The following TCAF2 variants were observed in gnomAD, a reference collection of about 807,000 sequenced individuals.
TCAF2 encodes the protein TRPM8 channel-associated factor 2.
A neutral mutation model predicts 33.9 loss-of-function variants in TCAF2; 6 were observed. The ratio of observed to expected loss-of-function variants is 0.18; its 90% CI spans 0.10 to 0.35. TCAF2 has a LOEUF of 0.35. TCAF2 is among the 10% of genes least tolerant of loss of function. TCAF2 has a pLI of 1.00. For synonymous variants in TCAF2, 41 were observed against 247.8 expected, an observed-to-expected ratio of 0.17 and a Z score of 7.84; for missense variants, 109 against 604.0, an observed-to-expected ratio of 0.18 and a Z score of 8.59.
At chr7:143,725,450 A>C (rs1809656876) in intron 7 of TCAF2, among the ~76,000 whole-genome samples, 1 of 151,718 alleles carries the variant, frequency 6.6e-6, no homozygotes, top group African/African-American at 2.4e-5. Context: ...TGTCTGGCCC[A>C]CTTTTCACAG....
intron 1 of TCAF2, among the ~76,000 whole-genome samples, chr7:143,701,786 ATTT>A (rs1809172465): frequency 8.2e-6 from 1 of 121,748 alleles, no homozygotes; most frequent in South Asian, 2.5e-4. Flanking sequence ...ATTTTATTTT[ATTT>A]TATTTTATTT....
intron 1 of TCAF2, among the ~76,000 whole-genome samples, chr7:143,648,012 G>A (rs1397599714): frequency 3.8e-5 from 4 of 106,182 alleles, no homozygotes; most frequent in South Asian, 3.7e-4. Flanking sequence ...TCCACCTACC[G>A]GGTTCAAGCA....
intron 7 of TCAF2, chr7:143,724,943 GA>G (rs1254454171): frequency 2.4e-4 from 287 of 1,188,400 alleles, no homozygotes; most frequent in African/African-American, 1.7e-3. Flanking sequence ...AAAATATTAT[GA>G]AAAAAATAGA....
At chr7:143,702,118 G>A (rs1263310357) in intron 1 of TCAF2, among the ~76,000 whole-genome samples, 9 of 12,120 alleles carry the variant, frequency 7.4e-4, no homozygotes, top group South Asian at 5.1e-3. Context: ...CACTGCGCCT[G>A]GCCTATCCAT....
chr7:143,724,813 C>G, intron 7 of TCAF2, 116 bp downstream of exon 7: 3 of 1,575,088 alleles, frequency 1.9e-6, no homozygotes, highest in South Asian at 2.4e-5. Context: ...ACCTCCACCT[C>G]CCCTGGAAAT....
At chr7:143,701,771 ATTTTAT>A (rs1809170646) in intron 1 of TCAF2, among the ~76,000 whole-genome samples, 1 of 94,726 alleles carries the variant, frequency 1.1e-5, no homozygotes, top group African/African-American at 3.8e-5. Flanking sequence ...ACTTTATTTT[ATTTTAT>A]TTTATTTTAT....
In TCAF2 at chr7:143,729,283, A is replaced by T. The variant is rs1809756663; in HGVS notation, c.*1616A>T. 1 of 152,230 alleles carries T rather than the reference A, an allele frequency of 6.6e-6. No homozygotes were observed. Among genetic ancestry groups the T allele is most frequent in the Non-Finnish European group, 1.5e-5 (1 of 68,044 alleles). 9.4% of individuals were successfully genotyped at this position (152,230 alleles called of 1,614,324 possible). On this transcript the variant is annotated 3_prime_UTR_variant, in exon 8 of 8. Coordinates refer to ENST00000684770, the MANE Select transcript of TCAF2 (RefSeq NM_001363538.2). ...CATAAAATAAGTTTTTTGAAGTCAC[A>T]AAGTGAATAAAAGGAAGAACCAGGG... is the stretch of plus-strand genomic sequence containing the variant.
intron 2 of TCAF2, among the ~76,000 whole-genome samples, chr7:143,718,417 T>A (rs1339322817): frequency 6.6e-6 from 1 of 151,362 alleles, no homozygotes; most frequent in Non-Finnish European, 1.5e-5. Context: ...GTTTTTTATT[T>A]TTTTTACCCC....
chr7:143,643,095 ATC>A (rs1467251630), intron 1 of TCAF2: 6 of 481,978 alleles, frequency 1.2e-5, no homozygotes, highest in Non-Finnish European at 1.7e-5. Flanking sequence ...TAATTGCAGA[ATC>A]TCTGTGCTGA....
chr7:143,724,958 AT>A (rs1344281150), intron 7 of TCAF2: 32 of 1,020,444 alleles, frequency 3.1e-5, no homozygotes, highest in Non-Finnish European at 4.0e-5. Context: ...AAATAGAAAT[AT>A]AGCATATTAT....
In TCAF2 at chr7:143,728,732, TAATC is replaced by T. The variant is rs1459681301; in HGVS notation, c.*1068_*1071del. The T allele has an allele frequency of 1.3e-5, 2 of 152,214 alleles. No homozygotes were observed. Among genetic ancestry groups the T allele is most frequent in the Non-Finnish European group, 2.9e-5 (2 of 68,068 alleles). 9.4% of individuals were successfully genotyped at this position (152,214 alleles called of 1,614,324 possible). ...GGGTGCAGCGGATGTAATCCTCACT[TAATC>T]AACCCACACCCCAGCATCCCCTGAG... is the stretch of plus-strand genomic sequence containing the variant. On this transcript the variant is annotated 3_prime_UTR_variant, in exon 8 of 8. Coordinates refer to ENST00000684770, the MANE Select transcript of TCAF2 (RefSeq NM_001363538.2).
rs1482494782 is a variant in TCAF2, at chr7:143,728,073, C to T, written c.*406C>T. ...CTTTAACAAGTTTTCAAATAGCAAG[C>T]GAGACACGCTGGAATAGTGGAGAGA... On this transcript the variant is annotated 3_prime_UTR_variant, in exon 8 of 8. Transcript: ENST00000684770. 9 of 185,362 alleles carry T rather than the reference C, an allele frequency of 4.9e-5. No homozygotes were observed. The highest frequency in any genetic ancestry group is 2.6e-3 in the Middle Eastern group (1 of 388). 11.5% of individuals were successfully genotyped at this position (185,362 alleles called of 1,614,324 possible).
intron 1 of TCAF2, among the ~76,000 whole-genome samples, chr7:143,647,874 T>C (rs568442391): frequency 3.4e-5 from 5 of 145,338 alleles, no homozygotes; most frequent in Non-Finnish European, 7.6e-5. Context: ...ATCATTTAAT[T>C]GGCAATGTTT....
chr7:143,718,403 C>G (rs900437799), intron 2 of TCAF2, among the ~76,000 whole-genome samples: 9 of 150,110 alleles, frequency 6.0e-5, no homozygotes, highest in Non-Finnish European at 1.2e-4. Context: ...TGTCTGGTTT[C>G]TTGGTTTTTT....
At chr7:143,701,901 G>A (rs1219383168) in intron 1 of TCAF2, among the ~76,000 whole-genome samples, 1 of 50,238 alleles carries the variant, frequency 2.0e-5, no homozygotes, top group Non-Finnish European at 3.7e-5. Context: ...TGCAACCTCC[G>A]CCCCCCACCG....
At chr7:143,701,772 TTTTATTTTA>T (rs1809170753) in intron 1 of TCAF2, among the ~76,000 whole-genome samples, 1 of 94,258 alleles carries the variant, frequency 1.1e-5, no homozygotes, top group Non-Finnish European at 2.3e-5. Flanking sequence ...CTTTATTTTA[TTTTATTTTA>T]TTTTATTTTA....
intron 1 of TCAF2, among the ~76,000 whole-genome samples, chr7:143,648,575 T>C (rs1393045017): frequency 1.1e-4 from 10 of 88,470 alleles, no homozygotes; most frequent in Non-Finnish European, 2.6e-4. Context: ...CACATCACAA[T>C]TAAATTGTAT....
chr7:143,634,766 TAAAAG>T (rs1453647260), intron 1 of TCAF2, among the ~76,000 whole-genome samples: 2,014 of 31,914 alleles, frequency 0.063, 72 homozygotes, highest in Non-Finnish European at 0.09. Flanking sequence ...CAGCTTAAAA[TAAAAG>T]AAAAAAAATA....
At chr7:143,714,021 C>A (rs1273505120) in intron 2 of TCAF2, among the ~76,000 whole-genome samples, 1 of 31,082 alleles carries the variant, frequency 3.2e-5, no homozygotes, top group Non-Finnish European at 5.2e-5. Flanking sequence ...TTCAAGGCAC[C>A]TCTCTGATTA....
Sources: allele counts gnomAD v4.1 joint callset (sites outside exome capture counted in the v4.1 genomes callset), GRCh38; gene constraint gnomAD v4.1.1; transcripts MANE v1.5; gene names NCBI Gene and HGNC (gene_info 2026-07-23, HGNC 2026-07-21).